The following ADAM17 variants were observed in gnomAD, a reference collection of about 807,000 sequenced individuals.
ADAM17 encodes disintegrin and metalloproteinase domain-containing protein 17.
In ADAM17, 39 loss-of-function variants were observed where a neutral mutation model predicts 96.7. The ratio of observed to expected loss-of-function variants is 0.40; its 90% CI spans 0.31 to 0.53. ADAM17 has a LOEUF of 0.53. ADAM17 is among the 20% of genes least tolerant of loss of function. The probability of loss-of-function intolerance (pLI) is 0.44; values close to 1 mark genes in which losing one functional copy is unlikely to be tolerated. For missense variants in ADAM17, 777 were observed against 1,013.2 expected (o/e 0.77, Z 3.17); for synonymous variants, 344 against 359.2 (o/e 0.96, Z 0.48).
chr2:9,506,281 G>A (rs1418622600), intron 11 of ADAM17, among the ~76,000 whole-genome samples: 1 of 150,784 alleles, frequency 6.6e-6, no homozygotes, highest in Admixed American at 6.6e-5. Context: ...CACCAAAGGA[G>A]CTACTTTCAG....
intron 11 of ADAM17, among the ~76,000 whole-genome samples, chr2:9,505,831 C>T (rs1189685665): frequency 6.6e-6 from 1 of 152,172 alleles, no homozygotes; most frequent in Non-Finnish European, 1.5e-5. Flanking sequence ...TCTTCTCCTT[C>T]TTTGGCTACT....
intron 17 of ADAM17, among the ~76,000 whole-genome samples, 195 bp from the exon 18 acceptor site, chr2:9,491,346 T>C (rs774912463): frequency 6.6e-6 from 1 of 152,212 alleles, no homozygotes; most frequent in African/African-American, 2.4e-5. Context: ...AGTGTTTCCT[T>C]TGCACTCAAA....
chr2:9,489,068 T>A lies in ADAM17; in HGVS notation c.*1109A>T, dbSNP rs547311197. On this transcript the variant is annotated 3_prime_UTR_variant, in exon 19 of 19. Transcript: ENST00000310823. ...GTCAATAAAAAGGGTTTCTGAAGTA[T>A]CAAGTCTTGTGGGGACAGCCCCCAA... 1 of 152,284 alleles carries A rather than the reference T, an allele frequency of 6.6e-6. No homozygotes were observed. Among genetic ancestry groups the A allele is most frequent in the South Asian group, 2.1e-4 (1 of 4,828 alleles). 9.4% of individuals were successfully genotyped at this position (152,284 alleles called of 1,614,324 possible).
chr2:9,515,257 G>GTA (rs1663999453), intron 10 of ADAM17, among the ~76,000 whole-genome samples: 1 of 152,190 alleles, frequency 6.6e-6, no homozygotes, highest in Non-Finnish European at 1.5e-5. Flanking sequence ...GAATCATATA[G>GTA]TATGTAGCCT....
At chr2:9,527,283 C>CAAACA (rs60074409) in intron 5 of ADAM17, among the ~76,000 whole-genome samples, 9,854 of 150,134 alleles carry the variant, frequency 0.066, 1,128 homozygotes, top group African/African-American at 0.23. Context: ...GATCGCGCTG[C>CAAACA]AAACAAAACA....
chr2:9,548,288 T>C (rs754173664), intron 1 of ADAM17, among the ~76,000 whole-genome samples: 4 of 151,974 alleles, frequency 2.6e-5, no homozygotes, highest in Non-Finnish European at 5.9e-5. Context: ...GCCGAGATCA[T>C]GCCACTGCAC....
chr2:9,493,648 A>C, intron 16 of ADAM17, 99 bp downstream of exon 16: 1 of 972,856 alleles, frequency 1.0e-6, no homozygotes, highest in Non-Finnish European at 1.6e-6. Context: ...TCCACCTTCT[A>C]CTGCAGAATT....
chr2:9,551,109 A>G (rs1665579197), intron 1 of ADAM17, among the ~76,000 whole-genome samples: 1 of 151,894 alleles, frequency 6.6e-6, no homozygotes, highest in Non-Finnish European at 1.5e-5. Context: ...TGGACATGTT[A>G]TATTTGAAGT....
intron 10 of ADAM17, among the ~76,000 whole-genome samples, chr2:9,514,669 T>A (rs559126300): frequency 6.7e-6 from 1 of 149,302 alleles, no homozygotes; most frequent in Admixed American, 6.7e-5. Flanking sequence ...GTCAGGAGAT[T>A]GAGACCATCC....
Position 9,493,838 on chromosome 2 carries a change from AACAT to A in ADAM17, c.1915-17_1915-14del, listed in dbSNP as rs1662349744. 7 of 1,606,328 alleles carry A rather than the reference AACAT, an allele frequency of 4.4e-6. No homozygotes were observed. The highest frequency in any genetic ancestry group is 1.7e-5 in the Admixed American group (1 of 59,920). ...TCTCACATTTGCCCTATGAAGAAAA[AACAT>A]ACATACAGCATCATTCCCAAACACA... On this transcript the variant is annotated splice_polypyrimidine_tract_variant and intron_variant, in intron 15 of 18. Coordinates refer to ENST00000310823, the MANE Select transcript of ADAM17 (RefSeq NM_003183.6).
chr2:9,550,602 C>T (rs551760204), intron 1 of ADAM17, among the ~76,000 whole-genome samples: 3 of 151,938 alleles, frequency 2.0e-5, no homozygotes, highest in East Asian at 2.0e-4. Flanking sequence ...CGCACCACCA[C>T]GCCTGGCTAA....
intron 1 of ADAM17, among the ~76,000 whole-genome samples, chr2:9,543,706 A>T (rs549771908): frequency 6.6e-6 from 1 of 152,214 alleles, no homozygotes; most frequent in Non-Finnish European, 1.5e-5. Context: ...TCATGTGTGG[A>T]AGCTAAAAAA....
chr2:9,524,881 T>G (rs1406025980), intron 6 of ADAM17, among the ~76,000 whole-genome samples: 1 of 152,202 alleles, frequency 6.6e-6, no homozygotes, highest in Non-Finnish European at 1.5e-5. Flanking sequence ...AAGAGAATAT[T>G]CTACTGTTCA....
chr2:9,519,312 T>G (rs560264720), intron 8 of ADAM17, among the ~76,000 whole-genome samples: 78 of 152,300 alleles, frequency 5.1e-4, no homozygotes, highest in African/African-American at 1.8e-3. Context: ...ATGAGGCTTC[T>G]AAGAATATTC....
intron 1 of ADAM17, among the ~76,000 whole-genome samples, chr2:9,549,376 AAAAC>A (rs1247235900): frequency 2.0e-5 from 3 of 152,326 alleles, no homozygotes; most frequent in Admixed American, 6.5e-5. Context: ...CTCCATCTCA[AAAAC>A]AAACAAACAA....
At chr2:9,519,442 G>T (rs571508632) in intron 8 of ADAM17, among the ~76,000 whole-genome samples, 1 of 152,322 alleles carries the variant, frequency 6.6e-6, no homozygotes, top group Admixed American at 6.5e-5. Context: ...CAGGCGCAGT[G>T]GTTCAGCTGT....
In ADAM17 at chr2:9,510,073, G is replaced by A. The variant is rs201789177; in HGVS notation, c.1250C>T (p.Pro417Leu). ...CGGGGCACATTCTGCTAGACCATCC[G>A]GATCATGTTCTGCTCCAAAATTATG... is the stretch of plus-strand genomic sequence containing the variant. ...LGHNFGAEHD[P>L]DGLAECAPNE... The change falls in exon 11 of 19, where the codon CCG (proline) becomes CTG (leucine). Residue 417 changes from proline to leucine, a missense_variant. Pro to Leu is a moderately conservative substitution (Grantham distance 98). This residue lies in a region of ADAM17 where 446 missense variants were observed against 664.7 expected (regional missense o/e 0.67). Transcript: ENST00000310823. 10 of 1,614,038 alleles carry A rather than the reference G, an allele frequency of 6.2e-6. No individual in the cohort carries two copies. In the East Asian group the frequency reaches 8.9e-5, roughly 14 times the overall value.
At chr2:9,551,191 G>A (rs4464248) in intron 1 of ADAM17, among the ~76,000 whole-genome samples, 32,392 of 149,474 alleles carry the variant, frequency 0.22, 4,473 homozygotes, top group Non-Finnish European at 0.31. Flanking sequence ...GTCATTAGCA[G>A]AACACTGTCA....
rs576402451 is a variant in ADAM17 at position 9,529,564 on chromosome 2, G to C, written c.451-1610C>G. Among the ~76,000 whole-genome samples the C allele has an allele frequency of 8.8e-4, 134 of 152,286 alleles. 1 individual carries two copies. The Middle Eastern group carries it at 0.01, about 12-fold the overall frequency. On this transcript the variant is annotated intron_variant, in intron 4 of 18. Transcript: ENST00000310823. The stretch of plus-strand genomic sequence containing the variant: ...GACAGTAGATCCCTGGTTGCCTAGA[G>C]CTGGGGGAGTTAGGGAGGAAGGGGG...
Sources: gnomAD v4.1 joint callset for allele counts (sites outside exome capture counted in the v4.1 genomes callset) on GRCh38, gnomAD v4.1.1 for gene constraint, gnomAD v4.1.1 regional missense constraint, MANE v1.5 for transcripts, NCBI Gene and HGNC (gene_info 2026-07-23, HGNC 2026-07-21) for gene names.